PDGFRL: variants seen among roughly 807,000 people sequenced by gnomAD.
PDGFRL encodes platelet derived growth factor receptor like, also known as platelet-derived growth factor receptor-like protein.
Under a neutral mutation model 37.2 loss-of-function variants are expected in PDGFRL, and 46 were observed. That is an observed-to-expected ratio of 1.24 (90% confidence interval 0.98 to 1.58). The LOEUF is 1.58. PDGFRL is among the 40% of genes most tolerant of loss of function. The probability of loss-of-function intolerance (pLI) is 0.00; values close to 1 mark genes in which losing one functional copy is unlikely to be tolerated. For synonymous variants in PDGFRL, 251 were observed against 184.3 expected, an observed-to-expected ratio of 1.36 and a Z score of -2.93; for missense variants, 692 against 467.6, an observed-to-expected ratio of 1.48 and a Z score of -4.43.
At chr8:17,618,231 T>C (rs1235123118) in intron 2 of PDGFRL, among the ~76,000 whole-genome samples, 1 of 152,122 alleles carries the variant, frequency 6.6e-6, no homozygotes, top group African/African-American at 2.4e-5. Flanking sequence ...TAATGTTTAA[T>C]TTTTTGTAGA....
At chr8:17,577,425 C>T in intron 1 of PDGFRL, 118 bp downstream of exon 1, 2 of 825,876 alleles carry the variant, frequency 2.4e-6, no homozygotes, top group Non-Finnish European at 4.0e-6. Context: ...GTGGCTCAGC[C>T]CCCGCGCCAC....
chr8:17,634,358 A>T lies in PDGFRL; in HGVS notation c.939+145A>T. On this transcript the variant is annotated intron_variant, in intron 5 of 5. Coordinates refer to ENST00000251630, the MANE Select transcript of PDGFRL (RefSeq NM_001372073.1). Reference sequence around the variant, plus strand: ...AACATGTGGGGCTATGTTGGGGGCCAGGTATTGTTTGTTTTTTTTGAAGAT... The same window carrying T: ...AACATGTGGGGCTATGTTGGGGGCCTGGTATTGTTTGTTTTTTTTGAAGAT... 4.9e-6 allele frequency: 3 copies of T among 612,562 alleles called. No individual in the cohort carries two copies. The South Asian group carries it at 7.8e-5, about 16-fold the overall frequency. 37.9% of individuals were successfully genotyped at this position (612,562 alleles called of 1,614,324 possible). A position where few individuals can be genotyped will look rare whatever the true frequency, so the allele number is the denominator to read the frequency against.
chr8:17,606,369 A>T (rs760410607), intron 2 of PDGFRL, among the ~76,000 whole-genome samples: 1 of 152,158 alleles, frequency 6.6e-6, no homozygotes, highest in South Asian at 2.1e-4. Flanking sequence ...ACAAATGAAG[A>T]TGAGGAGGCT....
chr8:17,600,027 C>T (rs1360472087), intron 2 of PDGFRL, among the ~76,000 whole-genome samples: 2 of 152,272 alleles, frequency 1.3e-5, no homozygotes, highest in Non-Finnish European at 1.5e-5. Context: ...CTGCCTTGAC[C>T]CCCATGCACC....
Position 17,577,289 on chromosome 8 carries a change from C to T in PDGFRL, c.37C>T (p.His13Tyr), listed in dbSNP as rs62498022. Residue 13 changes from histidine to tyrosine, a missense_variant, in exon 1 of 6, where the codon CAC (histidine) becomes TAC (tyrosine). Transcript: ENST00000251630. Reference sequence around the variant, plus strand: ...GCTGCTGCTTGGTCTTCTGCTGGTGCACGAAGCGCTGGAGGATGGTGAGTG... The same window carrying T: ...GCTGCTGCTTGGTCTTCTGCTGGTGTACGAAGCGCTGGAGGATGGTGAGTG... ...VWLLLGLLLV[H>Y]EALEDVTGQH... 4 of 1,612,848 alleles carry T rather than the reference C, an allele frequency of 2.5e-6. No individual in the cohort carries two copies. The African/African-American group carries it at 5.3e-5, about 22-fold the overall frequency.
chr8:17,634,007 C>T (rs980610813), intron 4 of PDGFRL, 67 bp from the exon 5 acceptor site: 4 of 1,451,040 alleles, frequency 2.8e-6, no homozygotes, highest in Non-Finnish European at 3.9e-6. Context: ...GAAAAGAATG[C>T]ATCTGTAGGT....
At chr8:17,622,873 C>G (rs1016110339) in intron 3 of PDGFRL, among the ~76,000 whole-genome samples, 1 of 152,086 alleles carries the variant, frequency 6.6e-6, no homozygotes, top group African/African-American at 2.4e-5. Flanking sequence ...CCTGCAGGCC[C>G]TTAATCTGAG....
chr8:17,593,688 A>T (rs568237075), intron 2 of PDGFRL, among the ~76,000 whole-genome samples: 1 of 151,994 alleles, frequency 6.6e-6, no homozygotes, highest in African/African-American at 2.4e-5. Flanking sequence ...GGAGGTCAGG[A>T]GTTCGAGACC....
intron 2 of PDGFRL, among the ~76,000 whole-genome samples, chr8:17,611,079 C>T (rs1804401669): frequency 6.6e-6 from 1 of 152,212 alleles, no homozygotes; most frequent in Non-Finnish European, 1.5e-5. Context: ...TTGCGGTACG[C>T]AGTGGGAGGC....
chr8:17,584,885 A>G (rs112999577), intron 1 of PDGFRL, among the ~76,000 whole-genome samples: 3,978 of 152,202 alleles, frequency 0.026, 188 homozygotes, highest in South Asian at 0.16. Flanking sequence ...GGAATAAAAG[A>G]ATGGCTTCTT....
chr8:17,631,046 G>A (rs538285484), intron 4 of PDGFRL, among the ~76,000 whole-genome samples: 10 of 152,122 alleles, frequency 6.6e-5, no homozygotes, highest in Admixed American at 5.2e-4. Context: ...TTTACTTCTC[G>A]AAGTCCCCCA....
intron 2 of PDGFRL, among the ~76,000 whole-genome samples, chr8:17,606,059 T>G (rs991467073): frequency 6.6e-6 from 1 of 152,178 alleles, no homozygotes; most frequent in Admixed American, 6.5e-5. Context: ...GGAAGACATT[T>G]TAAAAGAAAA....
At chr8:17,586,903 G>T (rs1235933583) in intron 1 of PDGFRL, among the ~76,000 whole-genome samples, 4 of 152,120 alleles carry the variant, frequency 2.6e-5, no homozygotes, top group Non-Finnish European at 4.4e-5. Flanking sequence ...CTTGAATTTT[G>T]CCACCTATTT....
intron 2 of PDGFRL, among the ~76,000 whole-genome samples, chr8:17,618,950 CG>C (rs1804580976): frequency 6.6e-6 from 1 of 152,056 alleles, no homozygotes; most frequent in Non-Finnish European, 1.5e-5. Context: ...GAGAGATTTC[CG>C]TTCAGGGTAA....
At chr8:17,641,105 C>T (rs574897676) in intron 5 of PDGFRL, among the ~76,000 whole-genome samples, 21 of 152,242 alleles carry the variant, frequency 1.4e-4, no homozygotes, top group South Asian at 1.0e-3. Flanking sequence ...CCCAAAGGGC[C>T]GGTCTCACTC....
intron 1 of PDGFRL, among the ~76,000 whole-genome samples, chr8:17,579,902 C>T (rs575326769): frequency 3.4e-4 from 52 of 152,134 alleles, no homozygotes; most frequent in African/African-American, 1.2e-3. Flanking sequence ...CAAGATTCCA[C>T]GTTGAGATGT....
intron 5 of PDGFRL, among the ~76,000 whole-genome samples, chr8:17,634,655 C>G (rs926993176): frequency 6.6e-6 from 1 of 152,104 alleles, no homozygotes; most frequent in African/African-American, 2.4e-5. Flanking sequence ...AGAATGAGAT[C>G]ATGTCCTTTG....
Position 17,619,358 on chromosome 8 carries a change from G to C in PDGFRL, c.354-1693G>C, listed in dbSNP as rs1804588283. ...TTACCATTGAAATTGGCTAATGCTAGTGTTTAATAATAAATATGTATGCCC... is the reference window on the plus strand; with the variant it reads ...TTACCATTGAAATTGGCTAATGCTACTGTTTAATAATAAATATGTATGCCC... On this transcript the variant is annotated intron_variant, in intron 2 of 5. Coordinates refer to ENST00000251630, the MANE Select transcript of PDGFRL (RefSeq NM_001372073.1). Among the ~76,000 whole-genome samples, 3 of 152,178 alleles carry C rather than the reference G, an allele frequency of 2.0e-5. 1 individual carries two copies. The South Asian group carries it at 6.2e-4, about 32-fold the overall frequency.
chr8:17,595,929 C>T (rs1200207109), intron 2 of PDGFRL, among the ~76,000 whole-genome samples: 1 of 152,192 alleles, frequency 6.6e-6, no homozygotes, highest in East Asian at 1.9e-4. Context: ...GTGAACCCAC[C>T]CACCATGGCC....
Sources: gnomAD v4.1 joint callset for allele counts (sites outside exome capture counted in the v4.1 genomes callset) on GRCh38, gnomAD v4.1.1 for gene constraint, MANE v1.5 for transcripts, NCBI Gene and HGNC (gene_info 2026-07-23, HGNC 2026-07-21) for gene names.